Variants in SNTG1 observed in about 807,000 individuals in gnomAD.
SNTG1 encodes gamma-1-syntrophin.
In SNTG1, 39 loss-of-function variants were observed where a neutral mutation model predicts 74.7. The observed-to-expected ratio is 0.52, with a 90% CI of 0.40 to 0.68. SNTG1 has a LOEUF of 0.68. SNTG1 is among the 30% of genes least tolerant of loss of function. SNTG1 has a pLI of 0.00. For synonymous variants in SNTG1, 254 were observed against 217.1 expected (o/e 1.17, Z -1.49); for missense variants, 685 against 609.5 (o/e 1.12, Z -1.30).
chr8:50,085,440 A>G (rs1457662995), intron 1 of SNTG1, among the ~76,000 whole-genome samples: 1 of 152,200 alleles, frequency 6.6e-6, no homozygotes, highest in East Asian at 1.9e-4. Flanking sequence ...TATTTTTCTC[A>G]TGTACTTTAC....
intron 11 of SNTG1, among the ~76,000 whole-genome samples, chr8:50,544,169 C>T (rs976223989): frequency 1.1e-4 from 17 of 151,716 alleles, no homozygotes; most frequent in South Asian, 2.1e-4. Flanking sequence ...TTCATATATT[C>T]GTGTTTTTGT....
At chr8:50,062,385 A>G (rs1820551957) in intron 1 of SNTG1, among the ~76,000 whole-genome samples, 3 of 149,622 alleles carry the variant, frequency 2.0e-5, no homozygotes, top group Admixed American at 2.0e-4. Flanking sequence ...GGATTTGTCT[A>G]TTTTTTTTTC....
At chr8:50,683,440 C>A (rs903080061) in intron 15 of SNTG1, among the ~76,000 whole-genome samples, 2 of 152,058 alleles carry the variant, frequency 1.3e-5, no homozygotes, top group Admixed American at 1.3e-4. Flanking sequence ...AAGATGATAT[C>A]ATCCATATTA....
chr8:50,611,141 CAG>C (rs1290645105), intron 13 of SNTG1, among the ~76,000 whole-genome samples: 31 of 152,152 alleles, frequency 2.0e-4, no homozygotes. Flanking sequence ...AATTATTAAA[CAG>C]TGGTTATATG....
chr8:50,196,133 A>G (rs919817290), intron 2 of SNTG1, among the ~76,000 whole-genome samples: 214 of 152,298 alleles, frequency 1.4e-3, no homozygotes, highest in African/African-American at 4.9e-3. Flanking sequence ...GAATTGTCCC[A>G]GGAAATCACT....
intron 2 of SNTG1, among the ~76,000 whole-genome samples, chr8:50,206,102 A>C (rs566808685): frequency 2.6e-5 from 4 of 152,304 alleles, no homozygotes; most frequent in South Asian, 2.1e-4. Context: ...CGATTCTGTG[A>C]AGAAAGTCAT....
chr8:49,934,201 C>T (rs977324852), intron 1 of SNTG1, among the ~76,000 whole-genome samples: 1 of 151,980 alleles, frequency 6.6e-6, no homozygotes, highest in African/African-American at 2.4e-5. Context: ...TTGATACCTT[C>T]CCTGATTACA....
chr8:50,459,410 A>G (rs1563415904), intron 8 of SNTG1, among the ~76,000 whole-genome samples: 1 of 152,148 alleles, frequency 6.6e-6, no homozygotes, highest in Admixed American at 6.6e-5. Context: ...TTGAATCATC[A>G]TAAGAGAGGA....
At chr8:50,128,756 A>G (rs2081224366) in intron 1 of SNTG1, among the ~76,000 whole-genome samples, 1 of 152,168 alleles carries the variant, frequency 6.6e-6, no homozygotes, top group East Asian at 1.9e-4. Context: ...AGTTAGTTTC[A>G]TAAATGTTAG....
intron 1 of SNTG1, among the ~76,000 whole-genome samples, chr8:49,976,864 T>G (rs1812240912): frequency 6.6e-6 from 1 of 152,172 alleles, no homozygotes; most frequent in Non-Finnish European, 1.5e-5. Flanking sequence ...CATGCTTTCT[T>G]TGATTTTGAA....
chr8:50,236,530 A>G (rs866914600), intron 2 of SNTG1, among the ~76,000 whole-genome samples: 27 of 147,420 alleles, frequency 1.8e-4, no homozygotes, highest in African/African-American at 6.7e-4. Context: ...GGCTCACTGC[A>G]AGCTCCACCT....
At chr8:50,077,254 G>A (rs188198540) in intron 1 of SNTG1, among the ~76,000 whole-genome samples, 2 of 152,186 alleles carry the variant, frequency 1.3e-5, no homozygotes, top group East Asian at 3.9e-4. Context: ...TCCAAATCTG[G>A]TTGGCAGATA....
At position 50,779,989 on chromosome 8, in the gene SNTG1, A is replaced by C. The variant is rs190908162; in HGVS notation, c.1396-12682A>C. ...GTGGTTTTTGTCTTTGGTTCTGTTT[A>C]TATGCTGGATTACATTTATTGATTT... On this transcript the variant is annotated intron_variant, in intron 18 of 18. Transcript: ENST00000642720. Among the ~76,000 whole-genome samples, 315 of 152,168 alleles carry C rather than the reference A, an allele frequency of 2.1e-3. 1 individual carries two copies. Among genetic ancestry groups the C allele is most frequent in the African/African-American group, 7.2e-3 (298 of 41,500 alleles).
chr8:50,310,342 G>A (rs968838204), intron 2 of SNTG1, among the ~76,000 whole-genome samples: 1 of 152,172 alleles, frequency 6.6e-6, no homozygotes, highest in Admixed American at 6.6e-5. Context: ...CATCCTGAAT[G>A]CAGTTCTAAG....
chr8:50,449,772 GT>G, intron 6 of SNTG1, 47 bp downstream of exon 6: 2 of 1,443,362 alleles, frequency 1.4e-6, no homozygotes, highest in South Asian at 1.4e-5. Context: ...TTAAGGCATT[GT>G]TTTTGAAGTG....
chr8:50,662,527 A>T (rs1240618596), intron 15 of SNTG1, among the ~76,000 whole-genome samples: 1 of 152,230 alleles, frequency 6.6e-6, no homozygotes, highest in African/African-American at 2.4e-5. Context: ...GTTTAAGTAA[A>T]TAGCCTAAGG....
At chr8:50,714,081 G>C (rs1042670910) in intron 17 of SNTG1, among the ~76,000 whole-genome samples, 86 of 151,110 alleles carry the variant, frequency 5.7e-4, no homozygotes, top group Middle Eastern at 3.4e-3. Context: ...AAAAAAAGGT[G>C]GGGGGAGGGA....
intron 1 of SNTG1, among the ~76,000 whole-genome samples, chr8:50,020,819 C>G (rs1816752406): frequency 6.6e-6 from 1 of 151,978 alleles, no homozygotes; most frequent in African/African-American, 2.4e-5. Context: ...TTATGTAGGA[C>G]AAAAAGGCAT....
chr8:50,776,158 C>T (rs1046518052), intron 18 of SNTG1, among the ~76,000 whole-genome samples: 1 of 150,508 alleles, frequency 6.6e-6, no homozygotes, highest in South Asian at 2.1e-4. Context: ...CTCTCTTTTC[C>T]ATTTTTCTGT....
Sources: allele counts gnomAD v4.1 joint callset (sites outside exome capture counted in the v4.1 genomes callset), GRCh38; gene constraint gnomAD v4.1.1; transcripts MANE v1.5; gene names NCBI Gene and HGNC (gene_info 2026-07-23, HGNC 2026-07-21).